The following ARHGAP31 variants were observed in gnomAD, a reference collection of about 807,000 sequenced individuals.
The protein encoded by ARHGAP31 is rho GTPase-activating protein 31.
Under a neutral mutation model 113.9 loss-of-function variants are expected in ARHGAP31, and 34 were observed. That is an observed-to-expected ratio of 0.30 (90% CI 0.23 to 0.40). The LOEUF (loss-of-function observed/expected upper bound fraction) is 0.40, where lower values mean the gene tolerates loss of function less well. Ranked by LOEUF, ARHGAP31 falls within the 10% of genes least tolerant of loss-of-function variation. ARHGAP31 has a pLI of 1.00. For missense variants in ARHGAP31, 1,548 were observed against 1,767.1 expected (o/e 0.88, Z 2.22); for synonymous variants, 650 against 684.8 (o/e 0.95, Z 0.79).
intron 8 of ARHGAP31, among the ~76,000 whole-genome samples, chr3:119,394,638 C>T (rs2080532176): frequency 6.6e-6 from 1 of 151,602 alleles, no homozygotes; most frequent in African/African-American, 2.4e-5. Context: ...TGACTGGATC[C>T]TGGAAAAAAA....
At chr3:119,318,679 T>C (rs1375134) in intron 1 of ARHGAP31, among the ~76,000 whole-genome samples, 102,703 of 152,118 alleles carry the variant, frequency 0.68, 34,929 homozygotes, top group African/African-American at 0.73. Flanking sequence ...TTTCTCTCTA[T>C]GACAGCTAGA....
rs2080755242 is a variant in ARHGAP31 at position 119,414,640 on chromosome 3, T to C, written c.2711T>C (p.Met904Thr). Reference protein sequence around the residue: ...VTDIAQHGLEMVEPWEEPQWV... With the variant: ...VTDIAQHGLETVEPWEEPQWV... ...GACATTGCCCAGCATGGCCTGGAGA[T>C]GGTGGAGCCCTGGGAGGAACCCCAG... The change falls in exon 12 of 12, where the codon ATG (methionine) becomes ACG (threonine). Residue 904 changes from methionine (M) to threonine (T), a missense_variant. Coordinates refer to ENST00000264245, the MANE Select transcript of ARHGAP31 (RefSeq NM_020754.4). The C allele has an allele frequency of 6.2e-6, 10 of 1,614,152 alleles. No homozygotes were observed. Among genetic ancestry groups the C allele is most frequent in the Non-Finnish European group, 8.5e-6 (10 of 1,180,008 alleles).
chr3:119,342,853 G>A (rs2080021216), intron 1 of ARHGAP31, among the ~76,000 whole-genome samples: 1 of 152,104 alleles, frequency 6.6e-6, no homozygotes, highest in East Asian at 1.9e-4. Context: ...GGAGGCTGAG[G>A]CAGGAGAATC....
chr3:119,383,482 G>T (rs1387590492), intron 6 of ARHGAP31, among the ~76,000 whole-genome samples: 3 of 152,148 alleles, frequency 2.0e-5, no homozygotes, highest in Non-Finnish European at 4.4e-5. Context: ...TGTGAATGTG[G>T]TATGGTGAAA....
At chr3:119,353,826 C>G (rs1482688215) in intron 1 of ARHGAP31, among the ~76,000 whole-genome samples, 1 of 151,416 alleles carries the variant, frequency 6.6e-6, no homozygotes, top group Non-Finnish European at 1.5e-5. Flanking sequence ...AGCTCAGGGA[C>G]CACTGCATAC....
intron 8 of ARHGAP31, among the ~76,000 whole-genome samples, chr3:119,396,168 T>C (rs1452921144): frequency 6.6e-6 from 1 of 152,192 alleles, no homozygotes; most frequent in South Asian, 2.1e-4. Context: ...AAAAGAACAA[T>C]TCCCAGGCAC....
intron 10 of ARHGAP31, among the ~76,000 whole-genome samples, chr3:119,404,549 G>A (rs1391769380): frequency 1.3e-5 from 2 of 152,142 alleles, no homozygotes; most frequent in Admixed American, 6.5e-5. Flanking sequence ...ATTCCATGTG[G>A]AGAACTTCAC....
intron 10 of ARHGAP31, among the ~76,000 whole-genome samples, chr3:119,408,158 G>A (rs2080682610): frequency 6.6e-6 from 1 of 152,146 alleles, no homozygotes; most frequent in Non-Finnish European, 1.5e-5. Context: ...TTTTATATCA[G>A]GGACTTGAGC....
chr3:119,416,861 T>C lies in ARHGAP31; in HGVS notation c.*597T>C, dbSNP rs1267733247. ...TGAGCTTAGCCACTCTTACCCATGC[T>C]CTTTCCCTGGAATCCCTGGAGACCT... On this transcript the variant is annotated 3_prime_UTR_variant, in exon 12 of 12. Coordinates refer to ENST00000264245, the MANE Select transcript of ARHGAP31 (RefSeq NM_020754.4). The C allele has an allele frequency of 6.2e-6, 1 of 161,238 alleles. No homozygotes were observed. The highest frequency in any genetic ancestry group is 1.8e-4 in the East Asian group (1 of 5,556). 10.0% of individuals were successfully genotyped at this position (161,238 alleles called of 1,614,324 possible). A position where few individuals can be genotyped will look rare whatever the true frequency, so the allele number is the denominator to read the frequency against.
Position 119,294,689 on chromosome 3 carries a change from CGGCGGCCCCGG to C in ARHGAP31, c.-215_-205del. On this transcript the variant is annotated 5_prime_UTR_variant, in exon 1 of 12. Coordinates refer to ENST00000264245, the MANE Select transcript of ARHGAP31 (RefSeq NM_020754.4). ...GCTGCCAGTCTGCACGGCCTCGGCA[CGGCGGCCCCGG>C]AGCGGCGCGGGGTGGATCTCAGGCT... 1.7e-6 allele frequency: 1 copy of C among 594,282 alleles called. No homozygotes were observed. The highest frequency in any genetic ancestry group is 3.0e-6 in the Non-Finnish European group (1 of 338,260). 36.8% of individuals were successfully genotyped at this position (594,282 alleles called of 1,614,324 possible). A position where few individuals can be genotyped will look rare whatever the true frequency, so the allele number is the denominator to read the frequency against.
intron 1 of ARHGAP31, among the ~76,000 whole-genome samples, chr3:119,350,276 G>A (rs974597859): frequency 5.9e-5 from 9 of 152,166 alleles, no homozygotes; most frequent in Non-Finnish European, 1.2e-4. Context: ...AGCGGTTCTG[G>A]AAACAATGGC....
rs777376529 is a variant in ARHGAP31, at chr3:119,415,648, G to C, written c.3719G>C (p.Ser1240Thr). Residue 1240 changes from serine (S) to threonine (T), a missense_variant, in exon 12 of 12, where the codon AGT becomes ACT. Transcript: ENST00000264245. Reference sequence around the variant, plus strand: ...AGCCAGGAGGGACCCAGCTCAACCAGTGGGACCACTCAGAAACCTGCCAAA... The same window carrying C: ...AGCCAGGAGGGACCCAGCTCAACCACTGGGACCACTCAGAAACCTGCCAAA... ...ERSQEGPSST[S>T]GTTQKPAKDD... 7 of 1,614,178 alleles carry C rather than the reference G, an allele frequency of 4.3e-6. No individual in the cohort carries two copies. Among genetic ancestry groups the C allele is most frequent in the Non-Finnish European group, 5.9e-6 (7 of 1,180,034 alleles).
chr3:119,363,123 C>G (rs749094523), intron 1 of ARHGAP31, among the ~76,000 whole-genome samples: 1 of 149,836 alleles, frequency 6.7e-6, no homozygotes, highest in East Asian at 2.4e-4. Flanking sequence ...GCACTCTCAA[C>G]CATAGACTGT....
At chr3:119,391,598 T>TCCCCCCCCCCCCC (rs1422804516) in intron 7 of ARHGAP31, among the ~76,000 whole-genome samples, 6 of 87,064 alleles carry the variant, frequency 6.9e-5, no homozygotes, top group South Asian at 5.0e-4. Context: ...TACCCCCCCC[T>TCCCCCCCCCCCCC]CCCCCCCGCC....
At chr3:119,362,803 A>G (rs2080221161) in intron 1 of ARHGAP31, among the ~76,000 whole-genome samples, 2 of 151,108 alleles carry the variant, frequency 1.3e-5, no homozygotes, top group Non-Finnish European at 2.9e-5. Context: ...TGGAGTAGAG[A>G]TGAGTTTTGA....
intron 5 of ARHGAP31, 72 bp downstream of exon 5, chr3:119,382,471 G>C (rs1332432728): frequency 7.7e-6 from 11 of 1,421,898 alleles, no homozygotes; most frequent in Non-Finnish European, 9.8e-6. Context: ...ATGAAGATTG[G>C]ATTCTTCAAA....
At chr3:119,354,678 AT>A (rs762067141) in intron 1 of ARHGAP31, among the ~76,000 whole-genome samples, 7,688 of 127,208 alleles carry the variant, frequency 0.06, 413 homozygotes, top group African/African-American at 0.18. Context: ...TGCCGGGCTA[AT>A]TTTTTTTTTT....
chr3:119,324,825 G>A (rs564533106), intron 1 of ARHGAP31: 1 of 430,956 alleles, frequency 2.3e-6, no homozygotes, highest in East Asian at 7.0e-5. Context: ...ACTTTTAATG[G>A]ACGACTCCTT....
chr3:119,297,812 AC>A (rs1314948600), intron 1 of ARHGAP31, among the ~76,000 whole-genome samples: 1 of 152,116 alleles, frequency 6.6e-6, no homozygotes, highest in Non-Finnish European at 1.5e-5. Flanking sequence ...TGTGTGGTTT[AC>A]AAATAGGTGT....
Sources: allele counts gnomAD v4.1 joint callset (sites outside exome capture counted in the v4.1 genomes callset), GRCh38; gene constraint gnomAD v4.1.1; transcripts MANE v1.5; gene names NCBI Gene and HGNC (gene_info 2026-07-23, HGNC 2026-07-21).